The following RUNX1T1 variants were observed in gnomAD, a reference collection of about 807,000 sequenced individuals.
The protein encoded by RUNX1T1 is RUNX1 partner transcriptional co-repressor 1.
Under a neutral mutation model 62.8 loss-of-function variants are expected in RUNX1T1, and 4 were observed. That is an observed-to-expected ratio of 0.06 (90% CI 0.03 to 0.15). The LOEUF (loss-of-function observed/expected upper bound fraction) is 0.15. Ranked by LOEUF, RUNX1T1 falls within the 10% of genes least tolerant of loss-of-function variation. The probability of loss-of-function intolerance (pLI) is 1.00; values close to 1 mark genes in which losing one functional copy is unlikely to be tolerated. For synonymous variants in RUNX1T1, 291 were observed against 286.0 expected (o/e 1.02, Z -0.18); for missense variants, 508 against 754.3 (o/e 0.67, Z 3.82).
In RUNX1T1 at chr8:91,960,587, T is replaced by C. The variant is rs940972427; in HGVS notation, c.1459-70A>G. ...TGTTAAGACAATAGTCTGACAAATA[T>C]GTTAGGCATCACTGTAGCCTTATTT... is the stretch of plus-strand genomic sequence containing the variant. On this transcript the variant is annotated intron_variant, in intron 10 of 10. Transcript: ENST00000396218. 6 of 1,500,348 alleles carry C rather than the reference T, an allele frequency of 4.0e-6. No individual in the cohort carries two copies. In the Admixed American group the frequency reaches 8.6e-5, roughly 21 times the overall value. The allele number at this position is 1,500,348 out of a possible 1,614,324, so 92.9% of individuals were successfully genotyped here.
At chr8:91,974,603 A>G (rs2130679107) in intron 9 of RUNX1T1, among the ~76,000 whole-genome samples, 1 of 152,256 alleles carries the variant, frequency 6.6e-6, no homozygotes, top group Non-Finnish European at 1.5e-5. Flanking sequence ...GTCAGAAGGA[A>G]GATGTTGCCC....
At chr8:91,967,759 G>A (rs544702956) in intron 10 of RUNX1T1, among the ~76,000 whole-genome samples, 1 of 152,270 alleles carries the variant, frequency 6.6e-6, no homozygotes, top group East Asian at 1.9e-4. Flanking sequence ...GAATAATAAT[G>A]TGTGTATCTT....
At chr8:92,005,623 A>C in intron 4 of RUNX1T1, 1 of 228,690 alleles carries the variant, frequency 4.4e-6, no homozygotes, top group Non-Finnish European at 8.4e-6. Flanking sequence ...CCTAGCTCCA[A>C]TCATAAGAAC....
intron 1 of RUNX1T1, among the ~76,000 whole-genome samples, chr8:92,086,720 G>C (rs935035930): frequency 1.3e-5 from 2 of 152,218 alleles, no homozygotes; most frequent in Non-Finnish European, 2.9e-5. Flanking sequence ...CAAGTTAAGA[G>C]CACTTGATAG....
chr8:92,026,265 G>T (rs1374224360), intron 1 of RUNX1T1, among the ~76,000 whole-genome samples: 1 of 152,184 alleles, frequency 6.6e-6, no homozygotes, highest in Non-Finnish European at 1.5e-5. Flanking sequence ...TCAGGCTTAG[G>T]CATTGTGCCA....
chr8:91,988,677 T>A (rs1310587239), intron 6 of RUNX1T1, among the ~76,000 whole-genome samples: 1 of 151,900 alleles, frequency 6.6e-6, no homozygotes, highest in African/African-American at 2.4e-5. Context: ...GCAGAAGAAA[T>A]CAATAATGAC....
Position 91,961,176 on chromosome 8 carries a change from A to C in RUNX1T1, c.1459-659T>G, listed in dbSNP as rs567600330. Among the ~76,000 whole-genome samples, 4 of 152,306 alleles carry C rather than the reference A, an allele frequency of 2.6e-5. No individual in the cohort carries two copies. The East Asian group carries it at 5.8e-4, about 22-fold the overall frequency. ...CAGCTCCCTGGAGGACAGGATCCTCAGTTTGTTTTTTCTCCCTGTATCTGA... is the reference window on the plus strand; with the variant it reads ...CAGCTCCCTGGAGGACAGGATCCTCCGTTTGTTTTTTCTCCCTGTATCTGA... On this transcript the variant is annotated intron_variant, in intron 10 of 10. Coordinates refer to ENST00000396218, the Ensembl canonical transcript of RUNX1T1.
chr8:92,051,337 A>G (rs1478994291), intron 1 of RUNX1T1, among the ~76,000 whole-genome samples: 5 of 152,164 alleles, frequency 3.3e-5, no homozygotes, highest in African/African-American at 9.6e-5. Flanking sequence ...AAAGTGTTCA[A>G]TCTATAGGAG....
chr8:92,021,724 T>C (rs1401884032), intron 1 of RUNX1T1, among the ~76,000 whole-genome samples: 2 of 151,950 alleles, frequency 1.3e-5, no homozygotes, highest in East Asian at 3.9e-4. Context: ...GATTGCACGT[T>C]TTAAACCCTA....
chr8:91,957,806 G>A, downstream of RUNX1T1: 1 of 224,718 alleles, frequency 4.5e-6, no homozygotes, highest in Non-Finnish European at 8.9e-6. Flanking sequence ...CCCATTCAGA[G>A]CCTGGTTATG....
chr8:92,036,681 T>A (rs1157847734), intron 1 of RUNX1T1, among the ~76,000 whole-genome samples: 1 of 152,188 alleles, frequency 6.6e-6, no homozygotes, highest in African/African-American at 2.4e-5. Flanking sequence ...TATCTCCTTT[T>A]TTCTAAAGAA....
At chr8:92,036,548 G>A (rs1587204328) in intron 1 of RUNX1T1, among the ~76,000 whole-genome samples, 4 of 152,102 alleles carry the variant, frequency 2.6e-5, no homozygotes, top group Non-Finnish European at 5.9e-5. Context: ...AAAACTGTTG[G>A]GAACTTCTGT....
chr8:92,071,096 T>C (rs1833602840), intron 2 of RUNX1T1: 1 of 152,246 alleles, frequency 6.6e-6, no homozygotes, highest in Non-Finnish European at 1.5e-5. Context: ...CACACATTAC[T>C]GTGCAAATAT....
exon 11 of RUNX1T1, chr8:91,958,945 T>C (rs1248786745): frequency 5.2e-6 from 1 of 190,650 alleles, no homozygotes; most frequent in African/African-American, 2.5e-5. Flanking sequence ...CCAAAAAGAG[T>C]CTTTTTTTCC....
At chr8:92,016,690 A>G (rs1823074917) in intron 2 of RUNX1T1, among the ~76,000 whole-genome samples, 1 of 152,122 alleles carries the variant, frequency 6.6e-6, no homozygotes, top group South Asian at 2.1e-4. Context: ...TCCACCCAAA[A>G]AAAAGGGCAA....
intron 1 of RUNX1T1, among the ~76,000 whole-genome samples, chr8:92,018,539 C>T (rs1290768097): frequency 6.6e-6 from 1 of 152,156 alleles, no homozygotes; most frequent in African/African-American, 2.4e-5. Context: ...ATATCTCACA[C>T]TTGGGCTTTT....
intron 2 of RUNX1T1, among the ~76,000 whole-genome samples, chr8:92,070,143 G>T (rs868514831): frequency 2.6e-5 from 4 of 152,186 alleles, no homozygotes; most frequent in South Asian, 2.1e-4. Flanking sequence ...TCAGTTTTCA[G>T]TCTTCCACAT....
At chr8:92,100,845 T>A (rs1192683386), upstream of RUNX1T1, among the ~76,000 whole-genome samples, 1 of 152,196 alleles carries the variant, frequency 6.6e-6, no homozygotes, top group Non-Finnish European at 1.5e-5. Flanking sequence ...ACAGCTGACA[T>A]AAACACTCAG....
intron 5 of RUNX1T1, among the ~76,000 whole-genome samples, chr8:92,000,644 A>C (rs1189964546): frequency 6.6e-6 from 1 of 152,216 alleles, no homozygotes; most frequent in African/African-American, 2.4e-5. Flanking sequence ...GTTGGTGTGT[A>C]CTGTCATAAC....
Sources: allele counts gnomAD v4.1 joint callset (sites outside exome capture counted in the v4.1 genomes callset), GRCh38; gene constraint gnomAD v4.1.1; transcripts MANE v1.5; gene names NCBI Gene and HGNC (gene_info 2026-07-23, HGNC 2026-07-21).